EPB41L4A: variants seen among roughly 807,000 people sequenced by gnomAD.
The protein encoded by EPB41L4A is band 4.1-like protein 4A.
Under a neutral mutation model 108.6 loss-of-function variants are expected in EPB41L4A, and 100 were observed. The observed-to-expected ratio is 0.92, with a 90% CI of 0.78 to 1.09. The LOEUF is 1.09. Ranked by LOEUF, EPB41L4A falls within the 50% of genes least tolerant of loss-of-function variation. EPB41L4A has a pLI of 0.00. For missense variants in EPB41L4A, 1,030 were observed against 842.7 expected (o/e 1.22, Z -2.75); for synonymous variants, 319 against 289.0 (o/e 1.10, Z -1.05).
intron 2 of EPB41L4A, among the ~76,000 whole-genome samples, chr5:112,300,373 A>T: frequency 6.6e-6 from 1 of 152,090 alleles, no homozygotes; most frequent in East Asian, 1.9e-4. Flanking sequence ...GCATTTGTTT[A>T]CCTGAAAAAG....
intron 1 of EPB41L4A, among the ~76,000 whole-genome samples, chr5:112,390,109 C>T (rs1438307060): frequency 1.3e-5 from 2 of 152,144 alleles, no homozygotes; most frequent in Non-Finnish European, 2.9e-5. Flanking sequence ...GAGCTCTGGT[C>T]TGCAGCTCCC....
chr5:112,248,135 T>G (rs1462169154), intron 9 of EPB41L4A, among the ~76,000 whole-genome samples: 1 of 152,148 alleles, frequency 6.6e-6, no homozygotes, highest in Non-Finnish European at 1.5e-5. Flanking sequence ...CCTGGCAGAG[T>G]GATCCAAATA....
intron 1 of EPB41L4A, among the ~76,000 whole-genome samples, chr5:112,325,200 G>A (rs996968932): frequency 5.3e-5 from 8 of 152,158 alleles, no homozygotes; most frequent in Non-Finnish European, 1.0e-4. Flanking sequence ...CCAGTACTTT[G>A]GGAAGCTGAG....
At chr5:112,281,777 C>T (rs1449662980) in intron 2 of EPB41L4A, among the ~76,000 whole-genome samples, 2 of 152,206 alleles carry the variant, frequency 1.3e-5, no homozygotes, top group Non-Finnish European at 2.9e-5. Flanking sequence ...ATGCAATCCC[C>T]TTACCCTTTA....
intron 2 of EPB41L4A, among the ~76,000 whole-genome samples, chr5:112,291,570 C>T (rs1753645742): frequency 6.6e-6 from 1 of 152,200 alleles, no homozygotes; most frequent in African/African-American, 2.4e-5. Context: ...GGACTCTAAT[C>T]TTCTCCCACC....
At chr5:112,205,337 G>T in intron 14 of EPB41L4A, 84 bp downstream of exon 14, 2 of 1,154,016 alleles carry the variant, frequency 1.7e-6, no homozygotes, top group Non-Finnish European at 2.6e-6. Flanking sequence ...CAGCCACCCA[G>T]CAGCTGGATT....
intron 12 of EPB41L4A, among the ~76,000 whole-genome samples, chr5:112,213,703 C>T (rs927034385): frequency 3.3e-5 from 5 of 152,002 alleles, no homozygotes; most frequent in Non-Finnish European, 7.4e-5. Flanking sequence ...ATCTGTACTC[C>T]CCTACTCTAT....
intron 2 of EPB41L4A, among the ~76,000 whole-genome samples, chr5:112,287,509 T>C (rs75926550): frequency 0.047 from 7,146 of 152,354 alleles, 239 homozygotes; most frequent in Non-Finnish European, 0.068. Flanking sequence ...TCCTTGAGTC[T>C]GCCCTTGCAG....
At chr5:112,292,513 A>G (rs1753713260) in intron 2 of EPB41L4A, among the ~76,000 whole-genome samples, 1 of 152,178 alleles carries the variant, frequency 6.6e-6, no homozygotes, top group South Asian at 2.1e-4. Context: ...ATGAAACAAA[A>G]AAGCACCTGC....
chr5:112,399,026 T>G (rs760224391), intron 1 of EPB41L4A, among the ~76,000 whole-genome samples: 1 of 151,632 alleles, frequency 6.6e-6, no homozygotes, highest in Non-Finnish European at 1.5e-5. Flanking sequence ...ATCCAGTAAA[T>G]GTACACTGTG....
At chr5:112,373,418 C>T (rs763078675) in intron 1 of EPB41L4A, among the ~76,000 whole-genome samples, 6 of 152,218 alleles carry the variant, frequency 3.9e-5, no homozygotes, top group African/African-American at 7.2e-5. Flanking sequence ...TCCTCTCTCC[C>T]TATAGCCCAA....
chr5:112,262,048 C>T (rs913297633), intron 7 of EPB41L4A, among the ~76,000 whole-genome samples: 3 of 152,094 alleles, frequency 2.0e-5, no homozygotes, highest in Non-Finnish European at 2.9e-5. Context: ...CCCGCCACCA[C>T]GTCCAGCTAA....
intron 1 of EPB41L4A, among the ~76,000 whole-genome samples, chr5:112,311,262 A>C (rs1373309844): frequency 6.6e-6 from 1 of 152,208 alleles, no homozygotes. Context: ...CAGTATCCCA[A>C]GTAAAAATCC....
At chr5:112,383,087 A>C (rs574080865) in intron 1 of EPB41L4A, among the ~76,000 whole-genome samples, 1 of 152,230 alleles carries the variant, frequency 6.6e-6, no homozygotes, top group Non-Finnish European at 1.5e-5. Context: ...TCAGAAGTGC[A>C]TGTGAAGGGT....
chr5:112,297,135 T>C (rs1490185351), intron 2 of EPB41L4A, among the ~76,000 whole-genome samples: 2 of 152,124 alleles, frequency 1.3e-5, no homozygotes, highest in South Asian at 2.1e-4. Context: ...TATGACTTCT[T>C]TTCCTCTGGG....
intron 12 of EPB41L4A, among the ~76,000 whole-genome samples, chr5:112,223,949 A>C (rs1748263784): frequency 6.6e-6 from 1 of 152,038 alleles, no homozygotes; most frequent in Admixed American, 6.6e-5. Flanking sequence ...GTTTCATTTG[A>C]ACTTTAGGCT....
chr5:112,145,865 A>G (rs1275766007), intron 13 of EPB41L4A: 1 of 452,798 alleles, frequency 2.2e-6, no homozygotes, highest in African/African-American at 2.0e-5. Flanking sequence ...TTATCAATAT[A>G]CATAATTACA....
chr5:112,304,459 G>A (rs146000303), intron 2 of EPB41L4A, among the ~76,000 whole-genome samples: 11 of 152,332 alleles, frequency 7.2e-5, no homozygotes, highest in Admixed American at 7.2e-4. Flanking sequence ...ACAAGCCAGA[G>A]TGGAACAGAA....
intron 1 of EPB41L4A, among the ~76,000 whole-genome samples, chr5:112,310,165 A>C (rs548486921): frequency 1.3e-5 from 2 of 152,248 alleles, no homozygotes; most frequent in Non-Finnish European, 2.9e-5. Flanking sequence ...GTTATGCAAC[A>C]ATAAAAAATA....
Sources: gnomAD v4.1 joint callset for allele counts (sites outside exome capture counted in the v4.1 genomes callset) on GRCh38, gnomAD v4.1.1 for gene constraint, MANE v1.5 for transcripts, NCBI Gene and HGNC (gene_info 2026-07-23, HGNC 2026-07-21) for gene names.